MGMT: variants seen among roughly 807,000 people sequenced by gnomAD.
MGMT encodes O-6-methylguanine-DNA methyltransferase, also known as methylated-DNA--protein-cysteine methyltransferase.
A neutral mutation model predicts 15.9 loss-of-function variants in MGMT; 14 were observed. The ratio of observed to expected loss-of-function variants is 0.88; its 90% confidence interval spans 0.58 to 1.37. The LOEUF (loss-of-function observed/expected upper bound fraction) is 1.37, where lower values mean the gene tolerates loss of function less well. Among genes scored for constraint, MGMT ranks in the 40% most tolerant of loss-of-function variants. The probability of loss-of-function intolerance (pLI) is 0.00; values close to 1 mark genes in which losing one functional copy is unlikely to be tolerated. For synonymous variants in MGMT, 130 were observed against 118.2 expected, an observed-to-expected ratio of 1.10 and a Z score of -0.65; for missense variants, 282 against 268.1, an observed-to-expected ratio of 1.05 and a Z score of -0.36.
rs180934083 is a variant in MGMT, at chr10:129,559,124, C to T, written c.125+22747C>T. Among the ~76,000 whole-genome samples, 5 of 152,286 alleles carry T rather than the reference C, an allele frequency of 3.3e-5. No homozygotes were observed. The East Asian group carries it at 9.6e-4, about 29-fold the overall frequency. ...GTCTTTGTTTACCCTTAGGCATTAT[C>T]TTGCTTGTTTACCTAAATCTTTAAC... is the stretch of plus-strand genomic sequence containing the variant. On this transcript the variant is annotated intron_variant, in intron 2 of 4. Coordinates refer to ENST00000651593, the MANE Select transcript of MGMT (RefSeq NM_002412.5).
At chr10:129,467,510 C>T in intron 1 of MGMT, 1 of 838,550 alleles carries the variant, frequency 1.2e-6, no homozygotes, top group African/African-American at 1.8e-5. Context: ...GACTAGGCTG[C>T]GCTGCAGTGA....
rs570331049 is a variant in MGMT at position 129,547,507 on chromosome 10, G to A, written c.125+11130G>A. On this transcript the variant is annotated intron_variant, in intron 2 of 4. Transcript: ENST00000651593. ...TCTGGAGAACATTGGTCCTTCTGCC[G>A]GCCTGGCAGCTACTTTAATTTCTGG... 2.2e-4 allele frequency among the ~76,000 whole-genome samples: 34 copies of A among 152,212 alleles called. No homozygotes were observed. The East Asian group carries it at 5.6e-3, about 25-fold the overall frequency.
chr10:129,704,730 C>T (rs1389058587), intron 2 of MGMT, among the ~76,000 whole-genome samples: 1 of 152,034 alleles, frequency 6.6e-6, no homozygotes, highest in African/African-American at 2.4e-5. Flanking sequence ...CCTGCTCCAC[C>T]GTGAAAAACA....
chr10:129,560,349 G>A (rs1393689839), intron 2 of MGMT, among the ~76,000 whole-genome samples: 1 of 152,296 alleles, frequency 6.6e-6, no homozygotes, highest in Non-Finnish European at 1.5e-5. Context: ...AAAAACACCT[G>A]TTAATTTTAT....
chr10:129,621,518 C>T (rs1466359496), intron 2 of MGMT, among the ~76,000 whole-genome samples: 1 of 152,086 alleles, frequency 6.6e-6, no homozygotes, highest in Non-Finnish European at 1.5e-5. Context: ...TCTGTGCTAC[C>T]TTGTGGACAG....
intron 1 of MGMT, among the ~76,000 whole-genome samples, chr10:129,522,589 A>G (rs1299723571): frequency 6.6e-6 from 1 of 152,256 alleles, no homozygotes; most frequent in Admixed American, 6.5e-5. Flanking sequence ...GTCACATGAC[A>G]CAAAAACCAC....
At chr10:129,571,185 G>T (rs1474297913) in intron 2 of MGMT, among the ~76,000 whole-genome samples, 2 of 152,104 alleles carry the variant, frequency 1.3e-5, no homozygotes, top group African/African-American at 4.8e-5. Flanking sequence ...TCCTAATATT[G>T]CAGTTGGAGA....
chr10:129,526,077 G>A (rs541926243), intron 1 of MGMT, among the ~76,000 whole-genome samples: 45 of 152,316 alleles, frequency 3.0e-4, no homozygotes, highest in East Asian at 1.2e-3. Flanking sequence ...TGACCCAGCC[G>A]AATCCACGGG....
chr10:129,496,551 T>G (rs1328655817), intron 1 of MGMT, among the ~76,000 whole-genome samples: 1 of 152,162 alleles, frequency 6.6e-6, no homozygotes, highest in African/African-American at 2.4e-5. Context: ...AGCCATTATT[T>G]CCATCTGCTC....
intron 2 of MGMT, among the ~76,000 whole-genome samples, chr10:129,694,781 C>A (rs1471639708): frequency 6.6e-6 from 1 of 152,118 alleles, no homozygotes; most frequent in Non-Finnish European, 1.5e-5. Flanking sequence ...GGGAGACCAG[C>A]CAGCTCAAAG....
At chr10:129,618,436 T>G (rs1292463239) in intron 2 of MGMT, among the ~76,000 whole-genome samples, 1 of 152,052 alleles carries the variant, frequency 6.6e-6, no homozygotes, top group African/African-American at 2.4e-5. Context: ...TGGTGTCTTG[T>G]AGAAGTTCTC....
intron 2 of MGMT, among the ~76,000 whole-genome samples, chr10:129,694,814 C>A (rs1219120325): frequency 6.6e-6 from 1 of 152,162 alleles, no homozygotes; most frequent in Admixed American, 6.5e-5. Flanking sequence ...GGGACAGCAT[C>A]TGAACTCTGG....
At chr10:129,596,713 C>T (rs1846755458) in intron 2 of MGMT, among the ~76,000 whole-genome samples, 1 of 152,214 alleles carries the variant, frequency 6.6e-6, no homozygotes, top group Admixed American at 6.5e-5. Context: ...AAATACATTT[C>T]CCTCACTTGA....
intron 1 of MGMT, among the ~76,000 whole-genome samples, chr10:129,490,916 T>C (rs983248862): frequency 6.6e-6 from 1 of 152,346 alleles, no homozygotes; most frequent in South Asian, 2.1e-4. Context: ...TTCACCTAAA[T>C]TGCTACTTTG....
chr10:129,576,486 C>T (rs1360167103), intron 2 of MGMT, among the ~76,000 whole-genome samples: 1 of 152,164 alleles, frequency 6.6e-6, no homozygotes, highest in Non-Finnish European at 1.5e-5. Context: ...AATTCAACAA[C>T]CCTTCATGCT....
At chr10:129,652,654 A>G (rs1273073493) in intron 2 of MGMT, among the ~76,000 whole-genome samples, 2 of 152,078 alleles carry the variant, frequency 1.3e-5, no homozygotes, top group African/African-American at 4.8e-5. Flanking sequence ...TGGTGTGCCT[A>G]CTGTGTGGGG....
intron 2 of MGMT, among the ~76,000 whole-genome samples, chr10:129,621,394 G>C (rs1410481610): frequency 2.6e-5 from 4 of 152,152 alleles, no homozygotes; most frequent in African/African-American, 7.2e-5. Flanking sequence ...CATTTGTCGA[G>C]AAATAATCAT....
intron 3 of MGMT, among the ~76,000 whole-genome samples, chr10:129,734,496 T>G (rs1848538073): frequency 6.6e-6 from 1 of 151,820 alleles, no homozygotes; most frequent in Non-Finnish European, 1.5e-5. Context: ...TACAATCATG[T>G]CATCTGCAAA....
intron 2 of MGMT, among the ~76,000 whole-genome samples, chr10:129,649,347 C>T (rs1362299003): frequency 6.6e-6 from 1 of 151,790 alleles, no homozygotes; most frequent in East Asian, 1.9e-4. Context: ...CTTCCCGCGA[C>T]GTGGTAATGC....
Sources: gnomAD v4.1 joint callset for allele counts (sites outside exome capture counted in the v4.1 genomes callset) on GRCh38, gnomAD v4.1.1 for gene constraint, MANE v1.5 for transcripts, NCBI Gene and HGNC (gene_info 2026-07-23, HGNC 2026-07-21) for gene names.